Variants in GPC6 observed in about 807,000 individuals in gnomAD.
GPC6 encodes glypican-6.
GPC6 carries 14 observed loss-of-function variants against 55.2 expected under a neutral mutation model. The ratio of observed to expected loss-of-function variants is 0.25; its 90% CI spans 0.17 to 0.40. GPC6 has a LOEUF of 0.40. Ranked by LOEUF, GPC6 falls within the 10% of genes least tolerant of loss-of-function variation. The pLI is 1.00. For missense variants in GPC6, 641 were observed against 708.5 expected (o/e 0.90, Z 1.08); for synonymous variants, 278 against 259.6 (o/e 1.07, Z -0.68).
intron 4 of GPC6, among the ~76,000 whole-genome samples, chr13:94,096,680 A>G (rs1885668807): frequency 6.6e-6 from 1 of 152,214 alleles, no homozygotes; most frequent in Admixed American, 6.5e-5. Context: ...GTACACCATA[A>G]TAGATGGGAA....
chr13:94,326,064 A>T (rs1877098569), intron 6 of GPC6, among the ~76,000 whole-genome samples: 1 of 152,220 alleles, frequency 6.6e-6, no homozygotes. Context: ...TAGAGTTGGA[A>T]GGGATGTTAA....
intron 3 of GPC6, among the ~76,000 whole-genome samples, chr13:93,952,638 T>C (rs1197554450): frequency 1.3e-5 from 2 of 151,650 alleles, no homozygotes; most frequent in African/African-American, 4.8e-5. Context: ...TGTATATATG[T>C]ATGTGTCTGT....
intron 7 of GPC6, among the ~76,000 whole-genome samples, chr13:94,393,403 G>A (rs1293119323): frequency 6.6e-6 from 1 of 152,092 alleles, no homozygotes; most frequent in Non-Finnish European, 1.5e-5. Flanking sequence ...AAAAAATGGG[G>A]GGTCTTGAAT....
chr13:93,745,021 C>T (rs1884351835), intron 2 of GPC6, among the ~76,000 whole-genome samples: 1 of 152,040 alleles, frequency 6.6e-6, no homozygotes, highest in Non-Finnish European at 1.5e-5. Context: ...GAACATAGCT[C>T]ATTTCCAAAA....
chr13:94,360,423 C>A, intron 6 of GPC6, among the ~76,000 whole-genome samples: 1 of 152,138 alleles, frequency 6.6e-6, no homozygotes, highest in East Asian at 1.9e-4. Context: ...GCATTTGATT[C>A]ATCTGTCTTT....
chr13:93,398,846 C>T lies in GPC6; in HGVS notation c.161-146417C>T, dbSNP rs368046110. 4.6e-5 allele frequency among the ~76,000 whole-genome samples: 7 copies of T among 152,268 alleles called. No individual in the cohort carries two copies. In the South Asian group the frequency reaches 1.5e-3, roughly 32 times the overall value. ...AATTGAGCCTGTCTGAGGGCAAAGC[C>T]TGTGTACTTGACTATGTATTAGACA... On this transcript the variant is annotated intron_variant, in intron 1 of 8. Coordinates refer to ENST00000377047, the MANE Select transcript of GPC6 (RefSeq NM_005708.5).
At chr13:93,552,124 G>A (rs564008185) in intron 2 of GPC6, among the ~76,000 whole-genome samples, 5 of 152,246 alleles carry the variant, frequency 3.3e-5, no homozygotes, top group Non-Finnish European at 5.9e-5. Flanking sequence ...CCAGCTCAGC[G>A]ACATGTATTC....
intron 3 of GPC6, among the ~76,000 whole-genome samples, chr13:93,837,133 T>C (rs1887766505): frequency 6.6e-6 from 1 of 152,234 alleles, no homozygotes; most frequent in Non-Finnish European, 1.5e-5. Context: ...CTATTTCCAA[T>C]GAATTAAAGG....
chr13:93,758,614 G>A (rs1884856292), intron 2 of GPC6, among the ~76,000 whole-genome samples: 1 of 151,280 alleles, frequency 6.6e-6, no homozygotes, highest in African/African-American at 2.4e-5. Flanking sequence ...ACATCAATAG[G>A]TATATTTATC....
At chr13:94,177,566 G>T (rs1050292554) in intron 4 of GPC6, among the ~76,000 whole-genome samples, 2 of 152,034 alleles carry the variant, frequency 1.3e-5, no homozygotes, top group Non-Finnish European at 2.9e-5. Flanking sequence ...TATATCAATT[G>T]TCACCAATCA....
At chr13:93,389,199 T>C (rs950492664) in intron 1 of GPC6, among the ~76,000 whole-genome samples, 1 of 151,928 alleles carries the variant, frequency 6.6e-6, no homozygotes, top group Admixed American at 6.6e-5. Flanking sequence ...TACTCGTGAC[T>C]GAATAAAAAT....
intron 3 of GPC6, among the ~76,000 whole-genome samples, chr13:93,989,434 G>A (rs147247589): frequency 2.6e-5 from 4 of 152,266 alleles, no homozygotes; most frequent in Middle Eastern, 3.4e-3. Flanking sequence ...CTGGTAATTC[G>A]AATCTCAGGC....
At chr13:93,310,072 G>C (rs1879011811) in intron 1 of GPC6, among the ~76,000 whole-genome samples, 1 of 152,212 alleles carries the variant, frequency 6.6e-6, no homozygotes, top group African/African-American at 2.4e-5. Context: ...TATGGTAACA[G>C]AGTACTATGT....
rs1400513723 is a variant in GPC6 at position 93,493,970 on chromosome 13, G to T, written c.161-51293G>T. On this transcript the variant is annotated intron_variant, in intron 1 of 8. Coordinates refer to ENST00000377047, the MANE Select transcript of GPC6 (RefSeq NM_005708.5). ...CTGTGGTCAATTTTGGAATAGGTGT[G>T]GTGTGATGCTGAAAAAAATGTATAT... is the stretch of plus-strand genomic sequence containing the variant. Among the ~76,000 whole-genome samples, 14 of 124,208 alleles carry T rather than the reference G, an allele frequency of 1.1e-4. 3 individuals are homozygous for T. The highest frequency in any genetic ancestry group is 4.2e-4 in the African/African-American group (14 of 33,588). 81.5% of individuals were successfully genotyped at this position (124,208 alleles called of 152,430 possible). A position where few individuals can be genotyped will look rare whatever the true frequency, so the allele number is the denominator to read the frequency against.
chr13:94,093,963 T>A (rs1413170723), intron 4 of GPC6, among the ~76,000 whole-genome samples: 1 of 152,134 alleles, frequency 6.6e-6, no homozygotes, highest in African/African-American at 2.4e-5. Flanking sequence ...AATGTATTCA[T>A]TTGAAAATGC....
chr13:93,979,656 A>T (rs987646124), intron 3 of GPC6, among the ~76,000 whole-genome samples: 2 of 152,122 alleles, frequency 1.3e-5, no homozygotes, highest in African/African-American at 4.8e-5. Context: ...TCAACGCATT[A>T]AACAAGGCAC....
intron 3 of GPC6, among the ~76,000 whole-genome samples, chr13:94,001,815 T>C (rs1881815407): frequency 6.6e-6 from 1 of 152,178 alleles, no homozygotes; most frequent in Non-Finnish European, 1.5e-5. Context: ...TGGAAGATTT[T>C]GTTCAAGACT....
intron 1 of GPC6, among the ~76,000 whole-genome samples, chr13:93,344,510 G>A (rs1880367299): frequency 6.6e-6 from 1 of 152,240 alleles, no homozygotes; most frequent in East Asian, 1.9e-4. Flanking sequence ...CAATAAAGTA[G>A]GCTACATCGT....
At chr13:93,393,554 T>A (rs1875730093) in intron 1 of GPC6, among the ~76,000 whole-genome samples, 1 of 152,138 alleles carries the variant, frequency 6.6e-6, no homozygotes, top group South Asian at 2.1e-4. Flanking sequence ...CTAGTTTGCT[T>A]GTGATTAAAT....
Sources: gnomAD v4.1 joint callset for allele counts (sites outside exome capture counted in the v4.1 genomes callset) on GRCh38, gnomAD v4.1.1 for gene constraint, MANE v1.5 for transcripts, NCBI Gene and HGNC (gene_info 2026-07-23, HGNC 2026-07-21) for gene names.